The following TMEM19 variants were observed in gnomAD, a reference collection of about 807,000 sequenced individuals.
The protein encoded by TMEM19 is transmembrane protein 19.
TMEM19 carries 21 observed loss-of-function variants against 33.6 expected under a neutral mutation model. That is an observed-to-expected ratio of 0.62 (90% confidence interval 0.44 to 0.90). TMEM19 has a LOEUF of 0.90. TMEM19 is among the 40% of genes least tolerant of loss of function. The pLI, the probability that TMEM19 is intolerant of heterozygous loss-of-function variation, is 0.00. For synonymous variants in TMEM19, 149 were observed against 147.5 expected, an observed-to-expected ratio of 1.01 and a Z score of -0.07; for missense variants, 402 against 401.8, an observed-to-expected ratio of 1.00 and a Z score of 0.00.
At chr12:71,694,542 ACTAC>A (rs994367453) in intron 2 of TMEM19, among the ~76,000 whole-genome samples, 4 of 152,222 alleles carry the variant, frequency 2.6e-5, no homozygotes, top group Non-Finnish European at 5.9e-5. Context: ...AGATAGAAGA[ACTAC>A]CAGGCAGAAG....
rs141649648 is a variant in TMEM19, at chr12:71,688,302, G to A, written c.131-1289G>A. 1.8e-3 allele frequency among the ~76,000 whole-genome samples: 271 copies of A among 152,198 alleles called. 2 individuals carry two copies. The highest frequency in any genetic ancestry group is 4.7e-3 in the African/African-American group (196 of 41,532). On this transcript the variant is annotated intron_variant, in intron 1 of 5. Coordinates refer to ENST00000266673, the MANE Select transcript of TMEM19 (RefSeq NM_018279.4). The stretch of plus-strand genomic sequence containing the variant: ...TGCCCAGGCTGGAGTACAGTGGCAC[G>A]ATCTCAGCTCACTGCAACCTCTGCC...
chr12:71,692,275 A>C (rs572886016), intron 2 of TMEM19, among the ~76,000 whole-genome samples: 14 of 152,242 alleles, frequency 9.2e-5, no homozygotes, highest in Admixed American at 5.9e-4. Flanking sequence ...TCTCCCCCTC[A>C]ACCTCTCTCC....
chr12:71,701,924 C>G lies in TMEM19; in HGVS notation c.*929C>G, dbSNP rs1369280101. 1 of 152,192 alleles carries G rather than the reference C, an allele frequency of 6.6e-6. No individual in the cohort carries two copies. Among genetic ancestry groups the G allele is most frequent in the Non-Finnish European group, 1.5e-5 (1 of 68,036 alleles). 9.4% of individuals were successfully genotyped at this position (152,192 alleles called of 1,614,324 possible). On this transcript the variant is annotated 3_prime_UTR_variant, in exon 6 of 6. Transcript: ENST00000266673. Reference sequence around the variant, plus strand: ...ATTATTACCTTCTAAGTTGTATTCTCTCTTACACTGTAGCCTCAACTAAGG... The same window carrying G: ...ATTATTACCTTCTAAGTTGTATTCTGTCTTACACTGTAGCCTCAACTAAGG...
At chr12:71,688,164 G>A (rs1881724689) in intron 1 of TMEM19, among the ~76,000 whole-genome samples, 1 of 152,162 alleles carries the variant, frequency 6.6e-6, no homozygotes, top group African/African-American at 2.4e-5. Context: ...TTAGACCTGT[G>A]GTAATAGTTT....
chr12:71,689,156 GTCAATGACAGACCACACA>G (rs1286622054), intron 1 of TMEM19, among the ~76,000 whole-genome samples: 19 of 152,100 alleles, frequency 1.2e-4, no homozygotes, highest in Non-Finnish European at 2.8e-4. Context: ...CAATGTTTTC[GTCAATGACAGACCACACA>G]TACAACATGT....
intron 3 of TMEM19, 41 bp from the exon 4 acceptor site, chr12:71,697,239 G>T: frequency 6.4e-7 from 1 of 1,551,954 alleles, no homozygotes; most frequent in Non-Finnish European, 8.6e-7. Flanking sequence ...TTCTTCTAAG[G>T]AGGAATCATT....
intron 1 of TMEM19, among the ~76,000 whole-genome samples, chr12:71,687,712 T>A (rs1881717789): frequency 6.6e-6 from 1 of 152,256 alleles, no homozygotes; most frequent in Admixed American, 6.5e-5. Flanking sequence ...AGCCTAAAGC[T>A]ACATTGCTTA....
chr12:71,698,604 G>GA (rs1249678064), intron 4 of TMEM19, among the ~76,000 whole-genome samples: 1 of 96,046 alleles, frequency 1.0e-5, no homozygotes, highest in Non-Finnish European at 1.8e-5. Flanking sequence ...CCTTGTCTCT[G>GA]AAAAGAGAGA....
At chr12:71,699,131 T>C (rs746126065) in intron 5 of TMEM19, 22 bp downstream of exon 5, 11 of 1,610,702 alleles carry the variant, frequency 6.8e-6, no homozygotes, top group Non-Finnish European at 9.3e-6. Context: ...CCTTCATTCT[T>C]GCAACTTATT....
intron 1 of TMEM19, among the ~76,000 whole-genome samples, chr12:71,688,383 C>T (rs139542533): frequency 0.06 from 9,142 of 152,190 alleles, 312 homozygotes; most frequent in South Asian, 0.085. Flanking sequence ...GTGCCTGCCA[C>T]CATGCCTGGC....
At chr12:71,697,566 A>G (rs755538372) in intron 4 of TMEM19, 32 bp downstream of exon 4, 5 of 1,552,244 alleles carry the variant, frequency 3.2e-6, no homozygotes, top group African/African-American at 1.4e-5. Context: ...ACCCATTGGT[A>G]GACACAGTTG....
intron 2 of TMEM19, among the ~76,000 whole-genome samples, chr12:71,693,163 C>G (rs1261653767): frequency 6.6e-6 from 1 of 151,646 alleles, no homozygotes; most frequent in Non-Finnish European, 1.5e-5. Flanking sequence ...CTGCTGCACT[C>G]AAGCCTGGGT....
chr12:71,696,349 TA>T, intron 2 of TMEM19, 86 bp from the exon 3 acceptor site: 2 of 1,227,934 alleles, frequency 1.6e-6, no homozygotes, highest in Non-Finnish European at 2.2e-6. Flanking sequence ...GGTTATAATA[TA>T]AAAATAATGG....
At chr12:71,691,185 T>A (rs1881779288) in intron 2 of TMEM19, among the ~76,000 whole-genome samples, 2 of 152,220 alleles carry the variant, frequency 1.3e-5, no homozygotes, top group African/African-American at 4.8e-5. Context: ...ATTCTCTTCA[T>A]AATTAAGAAA....
intron 2 of TMEM19, chr12:71,690,508 A>C (rs1328701390): frequency 6.6e-6 from 1 of 152,168 alleles, no homozygotes; most frequent in Non-Finnish European, 1.5e-5. Flanking sequence ...TGTTCTAAAA[A>C]CTTGGGATAG....
At position 71,697,985 on chromosome 12, in the gene TMEM19, C is replaced by T. The variant is rs944333009; in HGVS notation, c.637+451C>T. 2.0e-5 allele frequency among the ~76,000 whole-genome samples: 3 copies of T among 152,178 alleles called. 1 individual carries two copies. Among genetic ancestry groups the T allele is most frequent in the Non-Finnish European group, 4.4e-5 (3 of 68,034 alleles). ...ACTTTTTGAACACTGACATGATGCT[C>T]ACAGGAAATGTTCATTGGAACATTT... is the stretch of plus-strand genomic sequence containing the variant. On this transcript the variant is annotated intron_variant, in intron 4 of 5. Transcript: ENST00000266673.
At chr12:71,699,419 T>G in intron 5 of TMEM19, 1 of 503,078 alleles carries the variant, frequency 2.0e-6, no homozygotes, top group African/African-American at 1.9e-5. Flanking sequence ...ATCAGATCAT[T>G]TTAATACAAT....
rs1224173257 is a variant in TMEM19, at chr12:71,696,395, T to C, written c.245-41T>C. The C allele has an allele frequency of 2.0e-6, 3 of 1,471,814 alleles. No homozygotes were observed. The African/African-American group carries it at 4.2e-5, about 21-fold the overall frequency. 91.2% of individuals were successfully genotyped at this position (1,471,814 alleles called of 1,614,324 possible). ...ATTCTTTTTTCACAGCATTGATGTA[T>C]GAATTGAATATAATTCTGTGTTTAT... On this transcript the variant is annotated intron_variant, in intron 2 of 5. Coordinates refer to ENST00000266673, the MANE Select transcript of TMEM19 (RefSeq NM_018279.4).
chr12:71,697,377 A>T lies in TMEM19; in HGVS notation c.480A>T (p.Pro160=), dbSNP rs1286098678. ...TAGAAAATGGCCCCGGGGAAATCCC[A>T]GTCGATTTTTCCAAGCAGTACTCCG... ...YMIENGPGEI[P]VDFSKQYSAS... Residue 160 remains proline (P), a synonymous_variant, in exon 4 of 6, where the codon CCA becomes CCT. Transcript: ENST00000266673. The T allele has an allele frequency of 1.2e-6, 2 of 1,611,340 alleles. No individual in the cohort carries two copies. The highest frequency in any genetic ancestry group is 4.5e-5 in the East Asian group (2 of 44,658).
Sources: gnomAD v4.1 joint callset for allele counts (sites outside exome capture counted in the v4.1 genomes callset) on GRCh38, gnomAD v4.1.1 for gene constraint, MANE v1.5 for transcripts, NCBI Gene and HGNC (gene_info 2026-07-23, HGNC 2026-07-21) for gene names.